The following SH3YL1 variants were observed in gnomAD, a reference collection of about 807,000 sequenced individuals.
SH3YL1 encodes the protein SH3 domain-containing YSC84-like protein 1.
SH3YL1 carries 41 observed loss-of-function variants against 45.8 expected under a neutral mutation model. The ratio of observed to expected loss-of-function variants is 0.89; its 90% CI spans 0.70 to 1.16. The LOEUF is 1.16. Among genes scored for constraint, SH3YL1 ranks in the 50% most tolerant of loss-of-function variants. The probability of loss-of-function intolerance (pLI) is 0.00; values close to 1 mark genes in which losing one functional copy is unlikely to be tolerated. For synonymous variants in SH3YL1, 152 were observed against 151.4 expected, an observed-to-expected ratio of 1.00 and a Z score of -0.03; for missense variants, 389 against 409.6, an observed-to-expected ratio of 0.95 and a Z score of 0.43.
upstream of SH3YL1, chr2:264,784 T>G (rs952139643): frequency 1.6e-6 from 1 of 644,608 alleles, no homozygotes; most frequent in Non-Finnish European, 2.5e-6. Flanking sequence ...CCTACTACCG[T>G]CATAGGACCG....
intron 1 of SH3YL1, among the ~76,000 whole-genome samples, chr2:262,025 T>C (rs1669607603): frequency 2.0e-5 from 3 of 152,232 alleles, no homozygotes. Flanking sequence ...GGAACTTGAA[T>C]GCTGCTAAAG....
intron 5 of SH3YL1, 57 bp from the exon 6 acceptor site, chr2:233,286 A>T: frequency 6.9e-7 from 1 of 1,447,760 alleles, no homozygotes; most frequent in Non-Finnish European, 9.2e-7. Flanking sequence ...GCCGAGGATC[A>T]CTATTTAAAT....
At chr2:251,169 A>G (rs376416803) in intron 2 of SH3YL1, among the ~76,000 whole-genome samples, 81 of 152,382 alleles carry the variant, frequency 5.3e-4, no homozygotes, top group African/African-American at 1.9e-3. Context: ...ATAATCCCTG[A>G]ATAATCTGCC....
chr2:220,881 C>G (rs1016924507), intron 9 of SH3YL1, among the ~76,000 whole-genome samples: 3 of 152,188 alleles, frequency 2.0e-5, no homozygotes, highest in African/African-American at 7.2e-5. Context: ...TTGTGAACAT[C>G]AGGGAATGTT....
At chr2:256,285 A>C (rs377314866) in intron 1 of SH3YL1, 82 of 152,356 alleles carry the variant, frequency 5.4e-4, no homozygotes, top group African/African-American at 1.9e-3. Context: ...TAATGTGTGG[A>C]CATAGCACAA....
intron 1 of SH3YL1, among the ~76,000 whole-genome samples, chr2:254,232 C>T (rs960380918): frequency 3.2e-4 from 48 of 152,136 alleles, no homozygotes; most frequent in African/African-American, 1.2e-3. Flanking sequence ...CAAGTAACGC[C>T]GGCCTGCATT....
At chr2:242,960 A>ATGTGT in intron 4 of SH3YL1, 1 of 791,674 alleles carries the variant, frequency 1.3e-6, no homozygotes, top group Non-Finnish European at 1.8e-6. Flanking sequence ...GAGATATAAC[A>ATGTGT]ATTATAAACA....
intron 8 of SH3YL1, among the ~76,000 whole-genome samples, chr2:229,467 C>T (rs944443502): frequency 9.2e-5 from 14 of 152,010 alleles, no homozygotes; most frequent in East Asian, 1.9e-4. Flanking sequence ...CGGTGGCTCA[C>T]GCCTGTAATC....
At chr2:243,658 T>C in intron 4 of SH3YL1, 1 of 1,368,416 alleles carries the variant, frequency 7.3e-7, no homozygotes, top group South Asian at 1.5e-5. Flanking sequence ...ACAGCCTTGC[T>C]TGGACCTTTC....
chr2:231,159 A>C lies in SH3YL1; in HGVS notation c.566T>G (p.Ile189Ser). 1 of 1,613,758 alleles carries C rather than the reference A, an allele frequency of 6.2e-7. No homozygotes were observed. Among genetic ancestry groups the C allele is most frequent in the Non-Finnish European group, 8.5e-7 (1 of 1,179,772 alleles). Residue 189 changes from isoleucine to serine, a missense_variant, in exon 7 of 10, where the codon ATT (isoleucine) becomes AGT (serine). Coordinates refer to ENST00000356150, the MANE Select transcript of SH3YL1 (RefSeq NM_015677.4). ...FYCQDIRAYD[I>S]LFGDTPRPAQ... Reference sequence around the variant, plus strand: ...AGGCCGCGGTGTATCTCCAAATAAAATGTCATAAGCTCGGATATCTTGACA... The same window carrying C: ...AGGCCGCGGTGTATCTCCAAATAAACTGTCATAAGCTCGGATATCTTGACA...
At chr2:258,589 T>C (rs1002706006) in intron 1 of SH3YL1, among the ~76,000 whole-genome samples, 4 of 152,190 alleles carry the variant, frequency 2.6e-5, no homozygotes, top group African/African-American at 9.7e-5. Context: ...TTAACACTTG[T>C]GTTAGCAGGC....
At chr2:246,109 C>T (rs572676219) in intron 4 of SH3YL1, among the ~76,000 whole-genome samples, 5 of 151,490 alleles carry the variant, frequency 3.3e-5, no homozygotes, top group East Asian at 3.9e-4. Flanking sequence ...GCAGGAGAAT[C>T]GCTTGAAACT....
intron 4 of SH3YL1, chr2:240,388 C>A (rs1369097870): frequency 6.6e-6 from 1 of 152,244 alleles, no homozygotes; most frequent in South Asian, 2.1e-4. Context: ...CCAAAGCTCT[C>A]CCCAAGGGAA....
At chr2:220,589 C>T (rs532609300) in intron 9 of SH3YL1, among the ~76,000 whole-genome samples, 8 of 152,322 alleles carry the variant, frequency 5.3e-5, no homozygotes, top group East Asian at 3.9e-4. Context: ...AATGAGCAGT[C>T]GCTGCCATGC....
At position 218,727 on chromosome 2, in the gene SH3YL1, A is replaced by G. The variant is rs1667454849; in HGVS notation, c.*84T>C. On this transcript the variant is annotated 3_prime_UTR_variant, in exon 10 of 10. Coordinates refer to ENST00000356150, the MANE Select transcript of SH3YL1 (RefSeq NM_015677.4). ...GTAGAACAGAAGTTTTTTAAAATTT[A>G]TATTAAACATTGCTTAACTAGTAAA... The G allele has an allele frequency of 4.2e-6, 5 of 1,188,074 alleles. No homozygotes were observed. The highest frequency in any genetic ancestry group is 2.8e-5 in the Admixed American group (1 of 35,972). 73.6% of individuals were successfully genotyped at this position (1,188,074 alleles called of 1,614,324 possible). A position where few individuals can be genotyped will look rare whatever the true frequency, so the allele number is the denominator to read the frequency against.
At chr2:252,587 A>T (rs1363209074) in intron 2 of SH3YL1, among the ~76,000 whole-genome samples, 1 of 152,200 alleles carries the variant, frequency 6.6e-6, no homozygotes, top group East Asian at 1.9e-4. Context: ...CTGTTTTCTC[A>T]TGATGGGAGA....
intron 4 of SH3YL1, among the ~76,000 whole-genome samples, chr2:236,646 T>C (rs1325753871): frequency 6.6e-6 from 1 of 152,212 alleles, no homozygotes; most frequent in Non-Finnish European, 1.5e-5. Flanking sequence ...TGTTTACGGA[T>C]GAATTGAAAT....
upstream of SH3YL1, chr2:264,321 G>T: frequency 3.2e-6 from 1 of 315,412 alleles, no homozygotes; most frequent in Non-Finnish European, 5.8e-6. Context: ...GACCCCGCGG[G>T]GCTCAAGGCA....
chr2:264,159 C>G, upstream of SH3YL1: 1 of 958,096 alleles, frequency 1.0e-6, no homozygotes, highest in Non-Finnish European at 1.4e-6. Flanking sequence ...ACGCGCCCGC[C>G]GGGCCGCGCT....
Sources: allele counts gnomAD v4.1 joint callset (sites outside exome capture counted in the v4.1 genomes callset), GRCh38; gene constraint gnomAD v4.1.1; transcripts MANE v1.5; gene names NCBI Gene and HGNC (gene_info 2026-07-23, HGNC 2026-07-21).